The following PTBP3 variants were observed in gnomAD, a reference collection of about 807,000 sequenced individuals.
PTBP3 encodes the protein polypyrimidine tract-binding protein 3.
A neutral mutation model predicts 58.7 loss-of-function variants in PTBP3; 20 were observed. The ratio of observed to expected loss-of-function variants is 0.34; its 90% CI spans 0.24 to 0.50. PTBP3 has a LOEUF of 0.50. Ranked by LOEUF, PTBP3 falls within the 20% of genes least tolerant of loss-of-function variation. PTBP3 has a pLI of 0.98. For missense variants in PTBP3, 509 were observed against 637.2 expected (o/e 0.80, Z 2.17); for synonymous variants, 185 against 219.8 (o/e 0.84, Z 1.40).
At chr9:112,312,489 T>TG (rs1554804117) in intron 1 of PTBP3, among the ~76,000 whole-genome samples, 2 of 4,738 alleles carry the variant, frequency 4.2e-4, no homozygotes, top group Non-Finnish European at 6.5e-4. Context: ...TTTTTTTTTG[T>TG]TTTTTTTTTT....
In PTBP3 at chr9:112,222,431, A is replaced by G; in HGVS notation, c.*1420T>C. ...AAGAAAAGCAAGTTCTCGCTTGAGG[A>G]CTGAGAAAAACCAAGTAATCCTGAG... On this transcript the variant is annotated 3_prime_UTR_variant, in exon 14 of 14. Transcript: ENST00000374257. The G allele has an allele frequency of 1.0e-6, 1 of 985,510 alleles. No individual in the cohort carries two copies. The highest frequency in any genetic ancestry group is 1.2e-6 in the Non-Finnish European group (1 of 829,866). The allele number at this position is 985,510 out of a possible 1,614,324, so 61.0% of individuals were successfully genotyped here. A position where few individuals can be genotyped will look rare whatever the true frequency, so the allele number is the denominator to read the frequency against.
intron 7 of PTBP3, among the ~76,000 whole-genome samples, chr9:112,245,167 C>T (rs960695241): frequency 6.6e-6 from 1 of 152,026 alleles, no homozygotes; most frequent in Non-Finnish European, 1.5e-5. Context: ...AAAAATTAGC[C>T]GGGTGTAGTG....
chr9:112,223,599 T>A lies in PTBP3; in HGVS notation c.*252A>T. 3 of 1,171,026 alleles carry A rather than the reference T, an allele frequency of 2.6e-6. No homozygotes were observed. The highest frequency in any genetic ancestry group is 3.2e-6 in the Non-Finnish European group (3 of 935,340). The allele number at this position is 1,171,026 out of a possible 1,614,324, so 72.5% of individuals were successfully genotyped here. On this transcript the variant is annotated 3_prime_UTR_variant, in exon 14 of 14. Coordinates refer to ENST00000374257, the MANE Select transcript of PTBP3 (RefSeq NM_001163788.4). ...GAATAAGATTATTGAAAAAAAATTT[T>A]TTTCCTGATTTTCTTTTTCCTGAAG... is the stretch of plus-strand genomic sequence containing the variant.
chr9:112,251,896 A>T (rs1333304523), intron 6 of PTBP3, among the ~76,000 whole-genome samples: 2 of 152,204 alleles, frequency 1.3e-5, no homozygotes, highest in Non-Finnish European at 2.9e-5. Flanking sequence ...TACAGCAAAT[A>T]TAAAGGCTAT....
intron 1 of PTBP3, among the ~76,000 whole-genome samples, chr9:112,317,294 T>C (rs1478456528): frequency 3.3e-5 from 5 of 150,026 alleles, no homozygotes; most frequent in African/African-American, 7.4e-5. Context: ...CAATGGTACA[T>C]GCCTGTAGTC....
At chr9:112,308,423 T>C (rs938105994) in intron 1 of PTBP3, among the ~76,000 whole-genome samples, 3 of 150,388 alleles carry the variant, frequency 2.0e-5, no homozygotes, top group South Asian at 2.1e-4. Flanking sequence ...TGAAAACATA[T>C]CACTGCATTT....
At chr9:112,355,944 T>TTCTTTCTTA in the PTBP3 span, among the ~76,000 whole-genome samples, 1 of 151,582 alleles carries the variant, frequency 6.6e-6, no homozygotes. Context: ...TTCTTTTCTT[T>TTCTTTCTTA]TCTTTCTTTC....
At chr9:112,244,691 A>G (rs1325045797) in intron 7 of PTBP3, among the ~76,000 whole-genome samples, 1 of 152,166 alleles carries the variant, frequency 6.6e-6, no homozygotes, top group Non-Finnish European at 1.5e-5. Flanking sequence ...AAATAAAAAA[A>G]TAAAAAAAGT....
the PTBP3 span, among the ~76,000 whole-genome samples, chr9:112,364,820 T>C: frequency 0.24 from 36,970 of 152,046 alleles, 4,924 homozygotes; most frequent in East Asian, 0.36. Context: ...TGAAGCTCCA[T>C]AAAACAAGGC....
chr9:112,296,593 C>T (rs1047771287), intron 2 of PTBP3, among the ~76,000 whole-genome samples: 2 of 152,134 alleles, frequency 1.3e-5, no homozygotes, highest in African/African-American at 4.8e-5. Context: ...TTCTCTGAAA[C>T]TCTCCATGTC....
intron 3 of PTBP3, 55 bp downstream of exon 3, chr9:112,275,789 G>A: frequency 7.1e-7 from 1 of 1,399,680 alleles, no homozygotes; most frequent in Non-Finnish European, 9.8e-7. Context: ...AAAATTATCA[G>A]TAATACTAAC....
At chr9:112,336,226 G>A (rs1280681868), upstream of PTBP3, among the ~76,000 whole-genome samples, 1 of 152,050 alleles carries the variant, frequency 6.6e-6, no homozygotes, top group Non-Finnish European at 1.5e-5. Flanking sequence ...AAATTACGTT[G>A]TTTCCAAGTA....
intron 2 of PTBP3, among the ~76,000 whole-genome samples, chr9:112,279,048 A>C (rs761036518): frequency 6.6e-5 from 10 of 152,188 alleles, no homozygotes; most frequent in Non-Finnish European, 1.5e-4. Context: ...TTACTATATG[A>C]AATCTCAAAA....
At chr9:112,245,083 C>G (rs1366536599) in intron 7 of PTBP3, among the ~76,000 whole-genome samples, 1 of 152,052 alleles carries the variant, frequency 6.6e-6, no homozygotes, top group Non-Finnish European at 1.5e-5. Flanking sequence ...CCGAGGCGGG[C>G]AGATCACTTG....
At chr9:112,371,909 T>G in the PTBP3 span, among the ~76,000 whole-genome samples, 114 of 152,148 alleles carry the variant, frequency 7.5e-4, no homozygotes, top group African/African-American at 2.5e-3. Flanking sequence ...AATGGCTATT[T>G]TTTTGTTTTA....
intron 9 of PTBP3, among the ~76,000 whole-genome samples, 172 bp downstream of exon 9, chr9:112,231,927 G>T (rs1458916127): frequency 1.6e-5 from 1 of 62,462 alleles, no homozygotes; most frequent in Non-Finnish European, 3.3e-5. Flanking sequence ...GAGAAGAGAA[G>T]AGAAGAGAAG....
At chr9:112,378,425 A>G in the PTBP3 span, among the ~76,000 whole-genome samples, 4 of 152,356 alleles carry the variant, frequency 2.6e-5, no homozygotes, top group East Asian at 5.8e-4. Context: ...TTCCGTAACA[A>G]ATGGAAATAG....
the PTBP3 span, among the ~76,000 whole-genome samples, chr9:112,353,042 A>AGGT: frequency 6.6e-6 from 1 of 151,914 alleles, no homozygotes; most frequent in Non-Finnish European, 1.5e-5. Flanking sequence ...CTGGGATTAC[A>AGGT]GGTGCCTGCC....
the PTBP3 span, among the ~76,000 whole-genome samples, chr9:112,363,878 C>T: frequency 6.6e-6 from 1 of 152,186 alleles, no homozygotes; most frequent in Non-Finnish European, 1.5e-5. Flanking sequence ...CCATAGGGTT[C>T]ACTCTGTGTT....
Sources: allele counts gnomAD v4.1 joint callset (sites outside exome capture counted in the v4.1 genomes callset), GRCh38; gene constraint gnomAD v4.1.1; transcripts MANE v1.5; gene names NCBI Gene and HGNC (gene_info 2026-07-23, HGNC 2026-07-21).